PAPPA2: variants seen among roughly 807,000 people sequenced by gnomAD.
PAPPA2 encodes the protein pappalysin 2, also known as pappalysin-2.
A neutral mutation model predicts 176.4 loss-of-function variants in PAPPA2; 86 were observed. That is an observed-to-expected ratio of 0.49 (90% confidence interval 0.41 to 0.58). The LOEUF (loss-of-function observed/expected upper bound fraction) is 0.58. PAPPA2 is among the 20% of genes least tolerant of loss of function. The pLI is 0.00. For synonymous variants in PAPPA2, 809 were observed against 852.2 expected (o/e 0.95, Z 0.88); for missense variants, 2,073 against 2,256.9 (o/e 0.92, Z 1.65).
intron 2 of PAPPA2, among the ~76,000 whole-genome samples, chr1:176,576,272 T>A (rs12139180): frequency 0.16 from 24,857 of 152,236 alleles, 2,130 homozygotes; most frequent in Middle Eastern, 0.25. Context: ...GCCAACTTAA[T>A]GGACAAGAGT....
intron 2 of PAPPA2, among the ~76,000 whole-genome samples, chr1:176,571,820 A>G (rs917738847): frequency 2.6e-5 from 4 of 152,266 alleles, no homozygotes; most frequent in Non-Finnish European, 4.4e-5. Context: ...ATTACAAGAT[A>G]AATTCAAAAG....
At chr1:176,552,955 G>A (rs951167837) in intron 1 of PAPPA2, among the ~76,000 whole-genome samples, 6 of 152,112 alleles carry the variant, frequency 3.9e-5, no homozygotes, top group Admixed American at 1.3e-4. Flanking sequence ...TTGGGGTGTG[G>A]GTGTTTGTCA....
intron 1 of PAPPA2, among the ~76,000 whole-genome samples, chr1:176,478,816 C>G (rs1184063199): frequency 6.6e-6 from 1 of 152,110 alleles, no homozygotes; most frequent in Non-Finnish European, 1.5e-5. Flanking sequence ...GGATGAGGAC[C>G]AAGTCCTCAT....
chr1:176,666,086 G>A (rs2102765811), intron 3 of PAPPA2, among the ~76,000 whole-genome samples: 1 of 152,264 alleles, frequency 6.6e-6, no homozygotes, highest in South Asian at 2.1e-4. Context: ...ACCACAAACA[G>A]AACCCTGGGA....
intron 2 of PAPPA2, among the ~76,000 whole-genome samples, chr1:176,563,758 A>C (rs890212984): frequency 3.9e-5 from 6 of 152,182 alleles, no homozygotes; most frequent in Non-Finnish European, 2.9e-5. Context: ...TACGTCTTGC[A>C]CAGTGCAGGC....
intron 1 of PAPPA2, among the ~76,000 whole-genome samples, chr1:176,465,878 C>T (rs752035953): frequency 4.6e-5 from 7 of 151,992 alleles, no homozygotes; most frequent in Admixed American, 2.6e-4. Flanking sequence ...CTTCCTTTTG[C>T]GAGAACATGT....
chr1:176,602,171 C>G (rs1474227934), intron 3 of PAPPA2, among the ~76,000 whole-genome samples: 3 of 152,154 alleles, frequency 2.0e-5, no homozygotes, highest in Admixed American at 6.5e-5. Flanking sequence ...ATTTCTGAAG[C>G]CTGTGATGGG....
chr1:176,768,577 C>T (rs1664080679), intron 15 of PAPPA2, among the ~76,000 whole-genome samples: 1 of 152,078 alleles, frequency 6.6e-6, no homozygotes, highest in Admixed American at 6.6e-5. Context: ...TGCCTTTCTC[C>T]CTCCTTTTCT....
intron 4 of PAPPA2, among the ~76,000 whole-genome samples, chr1:176,673,096 A>G (rs760691270): frequency 1.3e-5 from 2 of 152,132 alleles, no homozygotes; most frequent in Non-Finnish European, 2.9e-5. Flanking sequence ...CCTGTCAGAA[A>G]ACAAATTTGT....
rs1183635312 is a variant in PAPPA2 at position 176,583,574 on chromosome 1, CAGATA to C, written c.920-10944_920-10940del. ...ATTTTTCATTTTATTCCATTGTGGT[CAGATA>C]AGATATTTGATGTTATTTATTTTAT... On this transcript the variant is annotated intron_variant, in intron 2 of 22. Coordinates refer to ENST00000367662, the MANE Select transcript of PAPPA2 (RefSeq NM_020318.3). Among the ~76,000 whole-genome samples, 30 of 151,974 alleles carry C rather than the reference CAGATA, an allele frequency of 2.0e-4. 1 individual carries two copies. The highest frequency in any genetic ancestry group is 6.8e-4 in the African/African-American group (28 of 41,334).
chr1:176,631,938 G>T (rs917197943), intron 3 of PAPPA2, among the ~76,000 whole-genome samples: 3 of 152,166 alleles, frequency 2.0e-5, no homozygotes, highest in African/African-American at 7.2e-5. Context: ...ACAGGTGGAG[G>T]AGAGAAGAGG....
intron 1 of PAPPA2, among the ~76,000 whole-genome samples, chr1:176,549,329 T>A (rs1440383421): frequency 2.0e-5 from 3 of 152,260 alleles, no homozygotes; most frequent in Non-Finnish European, 4.4e-5. Flanking sequence ...ACTGCTAATG[T>A]AAACTTGAGT....
intron 3 of PAPPA2, among the ~76,000 whole-genome samples, chr1:176,609,152 A>G (rs1654772676): frequency 6.6e-6 from 1 of 152,222 alleles, no homozygotes; most frequent in African/African-American, 2.4e-5. Context: ...TGCACAGTGA[A>G]AAGAACTAGG....
In PAPPA2 at chr1:176,772,304, C is replaced by G. The variant is rs1664265770; in HGVS notation, c.4715+1124C>G. Among the ~76,000 whole-genome samples, 3 of 152,254 alleles carry G rather than the reference C, an allele frequency of 2.0e-5. No individual in the cohort carries two copies. The South Asian group carries it at 6.2e-4, about 32-fold the overall frequency. On this transcript the variant is annotated intron_variant, in intron 17 of 22. Coordinates refer to ENST00000367662, the MANE Select transcript of PAPPA2 (RefSeq NM_020318.3). ...TCTTACCTAGCACTTAGTTGAAAGC[C>G]TGTTGATATGTATTCTTCTAAGATT...
At chr1:176,836,059 A>T (rs1252337797) in intron 21 of PAPPA2, among the ~76,000 whole-genome samples, 2 of 152,206 alleles carry the variant, frequency 1.3e-5, no homozygotes, top group African/African-American at 2.4e-5. Flanking sequence ...TTGAAGAGCC[A>T]GAGAAAAAGA....
At chr1:176,463,470 C>G (rs1247700982) in intron 1 of PAPPA2, 52 bp downstream of exon 1, 3 of 152,254 alleles carry the variant, frequency 2.0e-5, no homozygotes, top group Non-Finnish European at 4.4e-5. Context: ...GCTGACTGAA[C>G]AAGATGCTGG....
At chr1:176,710,301 G>C (rs1289230233) in intron 11 of PAPPA2, 125 bp downstream of exon 11, 1 of 811,894 alleles carries the variant, frequency 1.2e-6, no homozygotes. Flanking sequence ...AAGCCCTAGG[G>C]AACATTACTG....
chr1:176,534,657 T>C (rs545136643), intron 1 of PAPPA2, among the ~76,000 whole-genome samples: 2 of 151,912 alleles, frequency 1.3e-5, no homozygotes, highest in African/African-American at 4.8e-5. Context: ...CTGAATGGAG[T>C]ATATGAGAGG....
At chr1:176,826,204 A>T (rs1428179974) in intron 21 of PAPPA2, among the ~76,000 whole-genome samples, 1 of 152,252 alleles carries the variant, frequency 6.6e-6, no homozygotes, top group East Asian at 1.9e-4. Flanking sequence ...TGTATAAACT[A>T]GAAATGACTT....
Sources: gnomAD v4.1 joint callset for allele counts (sites outside exome capture counted in the v4.1 genomes callset) on GRCh38, gnomAD v4.1.1 for gene constraint, MANE v1.5 for transcripts, NCBI Gene and HGNC (gene_info 2026-07-23, HGNC 2026-07-21) for gene names.